GAK: variants seen among roughly 807,000 people sequenced by gnomAD.
The protein encoded by GAK is cyclin G associated kinase, also known as cyclin-G-associated kinase.
A neutral mutation model predicts 143.9 loss-of-function variants in GAK; 79 were observed. The observed-to-expected ratio is 0.55, with a 90% CI of 0.46 to 0.66. The LOEUF is 0.66. GAK is among the 30% of genes least tolerant of loss of function. The pLI is 0.00. For synonymous variants in GAK, 881 were observed against 765.5 expected, an observed-to-expected ratio of 1.15 and a Z score of -2.49; for missense variants, 1,693 against 1,779.7, an observed-to-expected ratio of 0.95 and a Z score of 0.88.
At chr4:913,850 A>G in intron 1 of GAK, 182 bp from the exon 2 acceptor site, 1 of 417,456 alleles carries the variant, frequency 2.4e-6, no homozygotes, top group Non-Finnish European at 4.2e-6. Context: ...ACATGCCCCC[A>G]CACACACAGC....
intron 16 of GAK, 57 bp downstream of exon 16, chr4:877,558 G>A (rs1393948121): frequency 2.3e-5 from 35 of 1,502,352 alleles, no homozygotes; most frequent in Non-Finnish European, 3.0e-5. Context: ...CCTCTTTAAC[G>A]GTTTTCCGGA....
At chr4:878,118 C>T (rs775885391) in intron 15 of GAK, among the ~76,000 whole-genome samples, 9 of 151,780 alleles carry the variant, frequency 5.9e-5, no homozygotes, top group South Asian at 4.2e-4. Context: ...AGGCCAGGCG[C>T]GGTGGCTCAC....
Position 849,883 on chromosome 4 carries a change from T to C in GAK, c.3834+9A>G, listed in dbSNP as rs779040618. ...AGGCCTCAAGCGGCCGCCTGGCAGC[T>C]CTGCTCACCTTGTCGGGGTGCACAG... On this transcript the variant is annotated intron_variant, in intron 27 of 27. Transcript: ENST00000314167. The C allele has an allele frequency of 4.5e-6, 7 of 1,546,048 alleles. No individual in the cohort carries two copies. The highest frequency in any genetic ancestry group is 5.3e-6 in the Non-Finnish European group (6 of 1,141,894).
At chr4:916,832 T>C (rs1329216571) in intron 1 of GAK, among the ~76,000 whole-genome samples, 1 of 152,202 alleles carries the variant, frequency 6.6e-6, no homozygotes, top group Non-Finnish European at 1.5e-5. Context: ...GCCCTGACAT[T>C]ACGCTGCTGT....
chr4:865,116 C>G lies in GAK; in HGVS notation c.3166+6G>C, dbSNP rs1296853490. 13 of 1,607,902 alleles carry G rather than the reference C, an allele frequency of 8.1e-6. No individual in the cohort carries two copies. Among genetic ancestry groups the G allele is most frequent in the Non-Finnish European group, 1.0e-5 (12 of 1,177,186 alleles). On this transcript the variant is annotated splice_donor_region_variant and intron_variant, in intron 23 of 27. Transcript: ENST00000314167. ...GAGCCCTGTCCTTGGTGGGTGGTGGCCATACCTTCTGTGGCTGGCGTGGGG... is the reference window on the plus strand; with the variant it reads ...GAGCCCTGTCCTTGGTGGGTGGTGGGCATACCTTCTGTGGCTGGCGTGGGG...
intron 23 of GAK, among the ~76,000 whole-genome samples, chr4:860,182 C>T (rs950368607): frequency 6.6e-6 from 1 of 151,718 alleles, no homozygotes; most frequent in African/African-American, 2.4e-5. Context: ...TCCCAGCTAC[C>T]CAGGGGGGCT....
At chr4:897,659 TA>T (rs908098514) in intron 6 of GAK, among the ~76,000 whole-genome samples, 3 of 152,148 alleles carry the variant, frequency 2.0e-5, no homozygotes, top group Admixed American at 2.0e-4. Flanking sequence ...CTCTAAAAAA[TA>T]AAGTCTGTTT....
chr4:912,848 C>A, intron 2 of GAK, 54 bp from the exon 3 acceptor site: 2 of 1,478,970 alleles, frequency 1.4e-6, no homozygotes, highest in South Asian at 1.1e-5. Context: ...CCTTCCTACT[C>A]CACCCGATGC....
rs1577364041 is a variant in GAK at position 932,300 on chromosome 4, G to A, written c.-113C>T. 2.9e-6 allele frequency: 4 copies of A among 1,382,230 alleles called. No individual in the cohort carries two copies. The highest frequency in any genetic ancestry group is 1.5e-5 in the African/African-American group (1 of 65,280). 85.6% of individuals were successfully genotyped at this position (1,382,230 alleles called of 1,614,324 possible). On this transcript the variant is annotated 5_prime_UTR_variant, in exon 1 of 28. Transcript: ENST00000314167. This position sits in a 1 kb window ranked among gnomAD's most constrained non-coding sequence, Gnocchi z 4.0. ...CCGGCCCGGAGGTGCACCATCTTCC[G>A]CCTCGACGCCGTGACGTAGGCGCCC...
intron 27 of GAK, 58 bp from the exon 28 acceptor site, chr4:849,832 G>GGGGCC: frequency 8.0e-7 from 1 of 1,256,600 alleles, no homozygotes; most frequent in Non-Finnish European, 1.1e-6. Flanking sequence ...GGGCGGGGCA[G>GGGGCC]GACCCCCCCC....
intron 24 of GAK, 55 bp from the exon 25 acceptor site, chr4:852,029 C>G: frequency 7.1e-7 from 1 of 1,405,716 alleles, no homozygotes; most frequent in Non-Finnish European, 1.0e-6. Context: ...GGGGCAACTA[C>G]TGTTTCTATA....
intron 1 of GAK, among the ~76,000 whole-genome samples, chr4:928,353 C>T (rs758358721): frequency 3.9e-5 from 6 of 152,192 alleles, no homozygotes; most frequent in Non-Finnish European, 7.3e-5. Context: ...CCGTCGTGCC[C>T]GGCCCGGTCT....
intron 1 of GAK, 78 bp from the exon 2 acceptor site, chr4:913,746 G>A (rs1324009745): frequency 5.8e-6 from 7 of 1,216,124 alleles, no homozygotes; most frequent in Middle Eastern, 1.9e-4. Context: ...CCTTCACTAA[G>A]TAAAATACAA....
chr4:849,833 G>GGCCCCCCCC, intron 27 of GAK, 59 bp from the exon 28 acceptor site: 3 of 1,190,140 alleles, frequency 2.5e-6, no homozygotes, highest in Non-Finnish European at 3.5e-6. Flanking sequence ...GGCGGGGCAG[G>GGCCCCCCCC]ACCCCCCCCC....
chr4:928,686 TACC>T lies in GAK; in HGVS notation c.145+3354_145+3356del, dbSNP rs1465368985. On this transcript the variant is annotated intron_variant, in intron 1 of 27. Coordinates refer to ENST00000314167, the MANE Select transcript of GAK (RefSeq NM_005255.4). ...AACTTGCAACCAAGAGTCTTGCTTG[TACC>T]ACATGATTCTGCAACTGTCAGTCAG... Among the ~76,000 whole-genome samples, 4 of 152,202 alleles carry T rather than the reference TACC, an allele frequency of 2.6e-5. No individual in the cohort carries two copies. In the South Asian group the frequency reaches 6.2e-4, roughly 24 times the overall value.
rs769360185 is a variant in GAK at position 877,125 on chromosome 4, C to A, written c.1939G>T (p.Ala647Ser). ...AGCCGGCCGCCCAGAGTGGACCGGG[C>A]GTGATAGATGACGATGAGCACGTCT... Reference protein sequence around the residue: ...QGDVLIVIYHARSTLGGRLQA... With the variant: ...QGDVLIVIYHSRSTLGGRLQA... The change falls in exon 17 of 28, where the codon GCC becomes TCC. Residue 647 changes from alanine to serine, a missense_variant. Transcript: ENST00000314167. The A allele has an allele frequency of 5.6e-6, 9 of 1,613,728 alleles. No homozygotes were observed. In the East Asian group the frequency reaches 1.6e-4, roughly 28 times the overall value.
chr4:912,341 G>T (rs754254722), intron 3 of GAK: 5 of 367,864 alleles, frequency 1.4e-5, no homozygotes, highest in South Asian at 7.9e-5. Context: ...GGACGAGAGG[G>T]GCGGCTGAGA....
At chr4:897,841 C>T (rs765305338) in intron 6 of GAK, 192 bp downstream of exon 6, 27 of 526,136 alleles carry the variant, frequency 5.1e-5, no homozygotes, top group Non-Finnish European at 4.5e-5. Context: ...CCCAGCTACT[C>T]GGGAGGCAGA....
chr4:903,088 C>A (rs906266227), intron 5 of GAK, among the ~76,000 whole-genome samples: 1 of 150,666 alleles, frequency 6.6e-6, no homozygotes, highest in African/African-American at 2.5e-5. Context: ...ACATGGAAAC[C>A]GCGCAGTGCC....
Sources: gnomAD v4.1 joint callset for allele counts (sites outside exome capture counted in the v4.1 genomes callset) on GRCh38, gnomAD v4.1.1 for gene constraint, Gnocchi (gnomAD v3.1) non-coding constraint, MANE v1.5 for transcripts, NCBI Gene and HGNC (gene_info 2026-07-23, HGNC 2026-07-21) for gene names.